The following LPP variants were observed in gnomAD, a reference collection of about 807,000 sequenced individuals.
LPP encodes LIM domain containing preferred translocation partner in lipoma.
Under a neutral mutation model 60.4 loss-of-function variants are expected in LPP, and 38 were observed. That is an observed-to-expected ratio of 0.63 (90% CI 0.49 to 0.83). LPP has a LOEUF of 0.83. Among genes scored for constraint, LPP ranks in the 40% least tolerant of loss-of-function variants. The pLI, the probability that LPP is intolerant of heterozygous loss-of-function variation, is 0.00. For synonymous variants in LPP, 328 were observed against 290.8 expected (o/e 1.13, Z -1.30); for missense variants, 902 against 783.6 (o/e 1.15, Z -1.80).
chr3:188,345,907 C>A (rs1764220189), intron 3 of LPP, among the ~76,000 whole-genome samples: 1 of 152,168 alleles, frequency 6.6e-6, no homozygotes, highest in Admixed American at 6.5e-5. Flanking sequence ...AATCCTGGCT[C>A]TAATTAATTT....
chr3:188,348,597 G>T (rs1356856098), intron 3 of LPP, among the ~76,000 whole-genome samples: 9 of 152,190 alleles, frequency 5.9e-5, no homozygotes, highest in Non-Finnish European at 1.3e-4. Flanking sequence ...ACTTCATCTT[G>T]ACAGTTGTAA....
At chr3:188,302,276 G>A (rs1245218358) in intron 2 of LPP, among the ~76,000 whole-genome samples, 4 of 152,186 alleles carry the variant, frequency 2.6e-5, no homozygotes, top group Non-Finnish European at 5.9e-5. Context: ...AAGTTTACAT[G>A]ATTAATGAGT....
chr3:188,846,332 C>T (rs1252642024), intron 9 of LPP, among the ~76,000 whole-genome samples: 1 of 152,086 alleles, frequency 6.6e-6, no homozygotes. Context: ...CTGGTTCAGT[C>T]AGCTATATAA....
In LPP at chr3:188,590,278, A is replaced by C. The variant is rs1039525873; in HGVS notation, c.430-18883A>C. 3.3e-5 allele frequency among the ~76,000 whole-genome samples: 5 copies of C among 152,228 alleles called. No individual in the cohort carries two copies. The East Asian group carries it at 9.6e-4, about 29-fold the overall frequency. On this transcript the variant is annotated intron_variant, in intron 6 of 11. Transcript: ENST00000617246. ...AATAAATACTCTTTCATTTTTAAAA[A>C]AGATGTATTCTTGGCCAGGCGCTGT...
At chr3:188,342,134 T>G (rs1459132235) in intron 3 of LPP, among the ~76,000 whole-genome samples, 1 of 152,194 alleles carries the variant, frequency 6.6e-6, no homozygotes, top group Non-Finnish European at 1.5e-5. Flanking sequence ...ATACTGCCAG[T>G]GTTACCTGGC....
chr3:188,759,925 T>C (rs1731600253), intron 8 of LPP, among the ~76,000 whole-genome samples, 188 bp from the exon 9 acceptor site: 2 of 152,138 alleles, frequency 1.3e-5, no homozygotes, highest in Admixed American at 6.5e-5. Flanking sequence ...CATGCCAATC[T>C]TGCAGAGGAT....
At chr3:188,154,672 G>A (rs909599050) in intron 1 of LPP, among the ~76,000 whole-genome samples, 1 of 152,254 alleles carries the variant, frequency 6.6e-6, no homozygotes, top group Admixed American at 6.5e-5. Flanking sequence ...TCGCCCGGAA[G>A]TTATTTACTA....
At chr3:188,566,958 G>A (rs1322946151) in intron 6 of LPP, among the ~76,000 whole-genome samples, 1 of 151,792 alleles carries the variant, frequency 6.6e-6, no homozygotes, top group Admixed American at 6.6e-5. Flanking sequence ...GTGCAAATTG[G>A]TCTGATACAA....
chr3:188,667,415 T>C (rs1048000662), intron 7 of LPP, among the ~76,000 whole-genome samples: 2 of 150,244 alleles, frequency 1.3e-5, no homozygotes, highest in African/African-American at 4.9e-5. Context: ...GAGGTGGAGC[T>C]TGCAGTGAGC....
Position 188,889,834 on chromosome 3 carries a change from T to C in LPP, c.*15355T>C. Reference sequence around the variant, plus strand: ...GGTGATACTTTTCACTAAAAATGCCTACTCTTCCTGTTGATGTTCCTTTTC... The same window carrying C: ...GGTGATACTTTTCACTAAAAATGCCCACTCTTCCTGTTGATGTTCCTTTTC... On this transcript the variant is annotated 3_prime_UTR_variant, in exon 12 of 12. Coordinates refer to ENST00000617246, the MANE Select transcript of LPP (RefSeq NM_001375462.1). The C allele has an allele frequency of 4.7e-6, 1 of 214,758 alleles. No homozygotes were observed. Among genetic ancestry groups the C allele is most frequent in the Admixed American group, 5.8e-5 (1 of 17,132 alleles). The allele number at this position is 214,758 out of a possible 1,614,324, so 13.3% of individuals were successfully genotyped here. A position where few individuals can be genotyped will look rare whatever the true frequency, so the allele number is the denominator to read the frequency against.
intron 8 of LPP, among the ~76,000 whole-genome samples, chr3:188,738,120 A>G (rs367614040): frequency 1.3e-5 from 2 of 152,042 alleles, no homozygotes; most frequent in East Asian, 3.9e-4. Context: ...TTGGAATGCA[A>G]TTGTCTTCTT....
chr3:188,563,155 C>A (rs368901016), intron 6 of LPP, among the ~76,000 whole-genome samples: 2 of 152,068 alleles, frequency 1.3e-5, no homozygotes, highest in African/African-American at 4.8e-5. Context: ...GGAATAGTTC[C>A]TCTAATTCTC....
chr3:188,680,496 T>G (rs984056615), intron 7 of LPP, among the ~76,000 whole-genome samples: 7 of 152,212 alleles, frequency 4.6e-5, no homozygotes, highest in Admixed American at 6.5e-5. Context: ...AAAGCATAAC[T>G]TACTTCTCTA....
At chr3:188,462,463 T>C (rs1471058209) in intron 4 of LPP, among the ~76,000 whole-genome samples, 1 of 148,348 alleles carries the variant, frequency 6.7e-6, no homozygotes, top group Non-Finnish European at 1.5e-5. Flanking sequence ...TTATATGAGC[T>C]TCATATATAG....
chr3:188,387,548 C>T (rs7614417), intron 3 of LPP, among the ~76,000 whole-genome samples: 1,520 of 145,786 alleles, frequency 0.01, 29 homozygotes, highest in African/African-American at 0.037. Flanking sequence ...AGGGTTGAGA[C>T]ACACGGGTCA....
At chr3:188,235,752 G>A (rs1721668445) in intron 2 of LPP, among the ~76,000 whole-genome samples, 1 of 152,060 alleles carries the variant, frequency 6.6e-6, no homozygotes, top group East Asian at 1.9e-4. Context: ...GTAGTTCCAG[G>A]GAAGTCTCTT....
intron 2 of LPP, among the ~76,000 whole-genome samples, chr3:188,266,543 C>T (rs570055597): frequency 2.7e-5 from 4 of 147,606 alleles, no homozygotes; most frequent in South Asian, 2.1e-4. Context: ...AGAGGAGAGA[C>T]GGGGAAGACA....
chr3:188,731,516 T>TTTTGTTTTGTTTTG (rs1553817764), intron 8 of LPP, among the ~76,000 whole-genome samples: 12 of 145,818 alleles, frequency 8.2e-5, no homozygotes, highest in Middle Eastern at 3.5e-3. Context: ...TTTTTTGTTT[T>TTTTGTTTTGTTTTG]TTTTGTTTTG....
At chr3:188,623,250 T>C (rs1242289402) in intron 7 of LPP, among the ~76,000 whole-genome samples, 8 of 140,226 alleles carry the variant, frequency 5.7e-5, no homozygotes, top group Non-Finnish European at 6.1e-5. Flanking sequence ...AAAAAGTCTA[T>C]GAAGATACTT....
Sources: gnomAD v4.1 joint callset for allele counts (sites outside exome capture counted in the v4.1 genomes callset) on GRCh38, gnomAD v4.1.1 for gene constraint, MANE v1.5 for transcripts, NCBI Gene and HGNC (gene_info 2026-07-23, HGNC 2026-07-21) for gene names.